BRD1: variants seen among roughly 807,000 people sequenced by gnomAD.
The protein encoded by BRD1 is bromodomain-containing protein 1.
Under a neutral mutation model 107.7 loss-of-function variants are expected in BRD1, and 24 were observed. The observed-to-expected ratio is 0.22, with a 90% CI of 0.16 to 0.31. The LOEUF (loss-of-function observed/expected upper bound fraction) is 0.31. BRD1 is among the 10% of genes least tolerant of loss of function. BRD1 has a pLI of 1.00. For synonymous variants in BRD1, 744 were observed against 686.1 expected, an observed-to-expected ratio of 1.08 and a Z score of -1.32; for missense variants, 1,279 against 1,638.6, an observed-to-expected ratio of 0.78 and a Z score of 3.79.
chr22:49,799,236 T>C, intron 3 of BRD1, 117 bp from the exon 4 acceptor site: 1 of 1,390,866 alleles, frequency 7.2e-7, no homozygotes, highest in Non-Finnish European at 9.8e-7. Context: ...TGCAGGCCCA[T>C]CCTGGGGAGG....
intron 2 of BRD1, among the ~76,000 whole-genome samples, chr22:49,809,674 G>A (rs2059813580): frequency 6.6e-6 from 1 of 152,106 alleles, no homozygotes; most frequent in Admixed American, 6.5e-5. Context: ...CCGATCAGCT[G>A]AACTGAGGCC....
At chr22:49,821,187 G>A (rs549235718) in intron 2 of BRD1, among the ~76,000 whole-genome samples, 12 of 152,158 alleles carry the variant, frequency 7.9e-5, no homozygotes, top group Admixed American at 7.2e-4. Flanking sequence ...AACAGAGAGC[G>A]TGCGGCCCGG....
intron 7 of BRD1, among the ~76,000 whole-genome samples, chr22:49,788,998 T>C (rs1316804404): frequency 4.6e-5 from 7 of 152,238 alleles, no homozygotes; most frequent in Admixed American, 2.6e-4. Context: ...GAGCAATGTT[T>C]TGAGGCTGAA....
chr22:49,799,955 C>T (rs562890390), intron 3 of BRD1, among the ~76,000 whole-genome samples: 180 of 152,318 alleles, frequency 1.2e-3, no homozygotes, highest in Middle Eastern at 3.4e-3. Flanking sequence ...AGGAAGTCAA[C>T]GAGGGAGTTG....
chr22:49,793,287 G>C (rs973626197), intron 7 of BRD1, among the ~76,000 whole-genome samples: 1 of 152,188 alleles, frequency 6.6e-6, no homozygotes, highest in Non-Finnish European at 1.5e-5. Flanking sequence ...TGCCAACCTA[G>C]ATGTACACAG....
At chr22:49,806,045 C>G (rs1181527431) in intron 2 of BRD1, 1 of 151,930 alleles carries the variant, frequency 6.6e-6, no homozygotes, top group South Asian at 2.1e-4. Flanking sequence ...CCGGCCCACA[C>G]CCAGCTAATT....
intron 8 of BRD1, among the ~76,000 whole-genome samples, chr22:49,784,603 G>A (rs550742496): frequency 5.9e-5 from 9 of 152,374 alleles, no homozygotes; most frequent in African/African-American, 1.9e-4. Flanking sequence ...AGAATTGTGC[G>A]TGTGCTGGAA....
chr22:49,797,807 T>C lies in BRD1; in HGVS notation c.2096A>G (p.Asp699Gly). The C allele has an allele frequency of 1.9e-6, 3 of 1,592,388 alleles. No homozygotes were observed. Among genetic ancestry groups the C allele is most frequent in the Non-Finnish European group, 2.6e-6 (3 of 1,170,042 alleles). Reference protein sequence around the residue: ...AAPRRPFSWEDVDRLLDPANR... With the variant: ...AAPRRPFSWEGVDRLLDPANR... ...CCGGACACGGCGCCAGTTCTTACCG[T>C]CTTCCCAGGAGAAAGGCCGCCGCGG... Residue 699 changes from aspartate to glycine, a missense_variant and splice_region_variant, in exon 6 of 13, where the codon GAC (aspartate) becomes GGC (glycine). Physicochemically the swap from Asp to Gly is moderately conservative, Grantham distance 94. Transcript: ENST00000404760.
In BRD1 at chr22:49,787,873, G is replaced by A. The variant is rs909418943; in HGVS notation, c.2374C>T (p.Pro792Ser). The A allele has an allele frequency of 1.3e-6, 2 of 1,527,284 alleles. No homozygotes were observed. Among genetic ancestry groups the A allele is most frequent in the Non-Finnish European group, 1.8e-6 (2 of 1,134,478 alleles). The allele number at this position is 1,527,284 out of a possible 1,614,324, so 94.6% of individuals were successfully genotyped here. Residue 792 changes from proline (P) to serine (S), a missense_variant, in exon 8 of 13, where the codon CCT becomes TCT. Coordinates refer to ENST00000404760, the MANE Select transcript of BRD1 (RefSeq NM_001304808.3). ...AATGCATCTGATGGTTCAAGTTTAGGGGGAGATTTATCTCCTGAAAAAATT... is the reference window on the plus strand; with the variant it reads ...AATGCATCTGATGGTTCAAGTTTAGAGGGAGATTTATCTCCTGAAAAAATT... The part of the protein sequence containing the change: ...EAGEEGDKSP[P>S]KLEPSDALPL...
intron 6 of BRD1, 52 bp downstream of exon 6, chr22:49,797,753 T>A: frequency 6.6e-7 from 1 of 1,519,534 alleles, no homozygotes; most frequent in South Asian, 1.3e-5. Flanking sequence ...CAGGACAGAG[T>A]CTGCTAGAAA....
chr22:49,778,234 G>T (rs1054290174), intron 8 of BRD1, among the ~76,000 whole-genome samples: 3 of 152,242 alleles, frequency 2.0e-5, no homozygotes, highest in African/African-American at 7.2e-5. Flanking sequence ...CCAGGCCGAA[G>T]GGGCCACCAA....
intron 11 of BRD1, 68 bp from the exon 12 acceptor site, chr22:49,775,813 GCA>G (rs1460362129): frequency 2.3e-6 from 3 of 1,320,772 alleles, no homozygotes; most frequent in South Asian, 3.2e-5. Flanking sequence ...CCTGTCACTG[GCA>G]CCCCCCCCCG....
intron 6 of BRD1, among the ~76,000 whole-genome samples, chr22:49,796,469 G>A (rs2059534492): frequency 6.6e-6 from 1 of 151,932 alleles, no homozygotes; most frequent in South Asian, 2.1e-4. Context: ...CGATTCTCCT[G>A]CCTCAGCCTC....
chr22:49,795,310 G>A (rs993943139), intron 6 of BRD1, among the ~76,000 whole-genome samples: 1 of 152,228 alleles, frequency 6.6e-6, no homozygotes, highest in South Asian at 2.1e-4. Context: ...AATGGGAGGT[G>A]TCGGCCGTGC....
At chr22:49,775,426 G>T in intron 12 of BRD1, 165 bp downstream of exon 12, 1 of 637,380 alleles carries the variant, frequency 1.6e-6, no homozygotes, top group Non-Finnish European at 2.4e-6. Context: ...GGGCTGGGCA[G>T]TGCCCTTCTC....
chr22:49,811,323 G>T (rs1295467582), intron 2 of BRD1, among the ~76,000 whole-genome samples: 1 of 152,090 alleles, frequency 6.6e-6, no homozygotes, highest in East Asian at 1.9e-4. Flanking sequence ...TTCTAAAATT[G>T]GTGGTGGTGA....
intron 12 of BRD1, 125 bp downstream of exon 12, chr22:49,775,466 C>T (rs1569078814): frequency 1.2e-5 from 12 of 988,094 alleles, no homozygotes; most frequent in South Asian, 8.3e-5. Context: ...CACTCACCTC[C>T]GACTTTAGCT....
intron 2 of BRD1, among the ~76,000 whole-genome samples, chr22:49,818,895 A>T (rs1569136495): frequency 1.3e-5 from 2 of 152,062 alleles, no homozygotes; most frequent in Admixed American, 6.5e-5. Context: ...CAAAAAAAAA[A>T]TGTCATTCTA....
chr22:49,793,339 A>G (rs2059468706), intron 7 of BRD1, among the ~76,000 whole-genome samples: 1 of 152,156 alleles, frequency 6.6e-6, no homozygotes, highest in Non-Finnish European at 1.5e-5. Flanking sequence ...CCAAGCCTGC[A>G]TTTGCCCTGG....
Sources: gnomAD v4.1 joint callset for allele counts (sites outside exome capture counted in the v4.1 genomes callset) on GRCh38, gnomAD v4.1.1 for gene constraint, MANE v1.5 for transcripts, NCBI Gene and HGNC (gene_info 2026-07-23, HGNC 2026-07-21) for gene names.